Variants in SSUH2 observed in about 807,000 individuals in gnomAD.
SSUH2 encodes protein SSUH2 homolog.
SSUH2 carries 47 observed loss-of-function variants against 55.3 expected under a neutral mutation model. The observed-to-expected ratio is 0.85, with a 90% CI of 0.67 to 1.08. The LOEUF is 1.08. Ranked by LOEUF, SSUH2 falls within the 50% of genes least tolerant of loss-of-function variation. The pLI is 0.00. For synonymous variants in SSUH2, 212 were observed against 191.5 expected (o/e 1.11, Z -0.89); for missense variants, 535 against 490.7 (o/e 1.09, Z -0.85).
intron 6 of SSUH2, among the ~76,000 whole-genome samples, chr3:8,662,933 G>A (rs1018026280): frequency 1.3e-5 from 2 of 152,234 alleles, no homozygotes; most frequent in Middle Eastern, 3.2e-3. Context: ...TTTTCCAAAT[G>A]CAAAATAAGT....
At chr3:8,636,590 T>G (rs559172186) in intron 1 of SSUH2, among the ~76,000 whole-genome samples, 1 of 152,058 alleles carries the variant, frequency 6.6e-6, no homozygotes, top group Non-Finnish European at 1.5e-5. Context: ...CTTCCTCCAG[T>G]GGACAATCTT....
chr3:8,645,578 C>A (rs1194425268), upstream of SSUH2, among the ~76,000 whole-genome samples: 1 of 152,186 alleles, frequency 6.6e-6, no homozygotes, highest in African/African-American at 2.4e-5. Context: ...CCCTCCACTG[C>A]ATCCTTGGCA....
chr3:8,649,962 G>C (rs1163662340), intron 7 of SSUH2, among the ~76,000 whole-genome samples: 1 of 152,120 alleles, frequency 6.6e-6, no homozygotes, highest in Admixed American at 6.6e-5. Flanking sequence ...GCCTCTGCCT[G>C]CTTCCCTTCA....
At chr3:8,640,064 C>T in intron 1 of SSUH2, 1 of 924,152 alleles carries the variant, frequency 1.1e-6, no homozygotes, top group Non-Finnish European at 1.3e-6. Context: ...TGATGGTTGA[C>T]AGGGGCTGTG....
intron 1 of SSUH2, among the ~76,000 whole-genome samples, chr3:8,641,314 T>C (rs1198657154): frequency 6.6e-6 from 1 of 152,248 alleles, no homozygotes; most frequent in Non-Finnish European, 1.5e-5. Context: ...CATCCTCATT[T>C]TCCCAGCAAT....
intron 5 of SSUH2, chr3:8,670,982 A>C (rs538792618): frequency 4.5e-5 from 19 of 420,928 alleles, no homozygotes; most frequent in South Asian, 2.9e-4. Flanking sequence ...ATAACGAATA[A>C]TGTCAGAGAA....
At chr3:8,637,977 GCTT>G (rs1271885081) in intron 1 of SSUH2, among the ~76,000 whole-genome samples, 1 of 152,186 alleles carries the variant, frequency 6.6e-6, no homozygotes, top group Non-Finnish European at 1.5e-5. Context: ...GACAATAGAA[GCTT>G]CGTTCCAAGA....
chr3:8,659,684 C>A, intron 6 of SSUH2: 1 of 438,926 alleles, frequency 2.3e-6, no homozygotes, highest in Non-Finnish European at 4.6e-6. Flanking sequence ...GGCATGGGAT[C>A]CAGTATTCAT....
intron 7 of SSUH2, among the ~76,000 whole-genome samples, chr3:8,629,068 C>T (rs780278212): frequency 6.6e-6 from 1 of 152,126 alleles, no homozygotes; most frequent in Non-Finnish European, 1.5e-5. Flanking sequence ...ACCGTGTTAG[C>T]CCAGATGGTC....
intron 5 of SSUH2, among the ~76,000 whole-genome samples, chr3:8,669,925 T>G (rs1234003500): frequency 6.6e-6 from 1 of 152,178 alleles, no homozygotes; most frequent in Non-Finnish European, 1.5e-5. Context: ...AAGAAGGACA[T>G]GAGTGGAAAA....
At chr3:8,648,959 G>A (rs1702058405), upstream of SSUH2, among the ~76,000 whole-genome samples, 1 of 152,052 alleles carries the variant, frequency 6.6e-6, no homozygotes, top group African/African-American at 2.4e-5. Flanking sequence ...CCCTCAGGAT[G>A]AGAACCTCAT....
At chr3:8,658,380 C>T (rs952463131) in intron 7 of SSUH2, among the ~76,000 whole-genome samples, 1 of 152,198 alleles carries the variant, frequency 6.6e-6, no homozygotes, top group African/African-American at 2.4e-5. Flanking sequence ...GTACTCTGGG[C>T]CTTTCTGGAA....
At chr3:8,627,403 G>A (rs1044656115) in intron 8 of SSUH2, 3 of 326,056 alleles carry the variant, frequency 9.2e-6, no homozygotes, top group East Asian at 4.7e-5. Context: ...ACCCGTGGGC[G>A]GGAGAGGTCT....
chr3:8,635,458 C>G, intron 2 of SSUH2, 77 bp from the exon 3 acceptor site: 1 of 1,084,546 alleles, frequency 9.2e-7, no homozygotes, highest in South Asian at 1.4e-5. Flanking sequence ...GAAGGAAAGA[C>G]TGATTGAATG....
At chr3:8,640,861 G>T (rs77608626) in intron 1 of SSUH2, among the ~76,000 whole-genome samples, 2,039 of 152,298 alleles carry the variant, frequency 0.013, 22 homozygotes, top group Middle Eastern at 0.044. Flanking sequence ...AGCAAATATT[G>T]CAATTTTTGT....
chr3:8,663,866 A>G, intron 5 of SSUH2: 1 of 456,622 alleles, frequency 2.2e-6, no homozygotes, highest in South Asian at 1.5e-5. Context: ...TCCCAAGACA[A>G]TGTTGTTTTC....
chr3:8,646,197 T>C (rs547875188), upstream of SSUH2, among the ~76,000 whole-genome samples: 3 of 152,330 alleles, frequency 2.0e-5, no homozygotes, highest in Admixed American at 1.3e-4. Flanking sequence ...TGAGCATCCA[T>C]TGCTGTATCT....
chr3:8,656,169 C>G (rs998498276), intron 7 of SSUH2, among the ~76,000 whole-genome samples: 1 of 152,166 alleles, frequency 6.6e-6, no homozygotes, highest in Admixed American at 6.5e-5. Flanking sequence ...GAACACACAA[C>G]TGAAAAGCCT....
chr3:8,674,104 C>T (rs1704937650), intron 3 of SSUH2, among the ~76,000 whole-genome samples: 1 of 152,268 alleles, frequency 6.6e-6, no homozygotes, highest in African/African-American at 2.4e-5. Context: ...TGTTTGTAAA[C>T]AGGGATGCAG....
Sources: gnomAD v4.1 joint callset for allele counts (sites outside exome capture counted in the v4.1 genomes callset) on GRCh38, gnomAD v4.1.1 for gene constraint, MANE v1.5 for transcripts, NCBI Gene and HGNC (gene_info 2026-07-23, HGNC 2026-07-21) for gene names.